Variants in PCDHA1 observed in about 807,000 individuals in gnomAD.
PCDHA1 encodes the protein protocadherin alpha-1.
Under a neutral mutation model 61.3 loss-of-function variants are expected in PCDHA1, and 42 were observed. The observed-to-expected ratio is 0.69, with a 90% CI of 0.54 to 0.89. The LOEUF (loss-of-function observed/expected upper bound fraction) is 0.89. Among genes scored for constraint, PCDHA1 ranks in the 40% least tolerant of loss-of-function variants. The pLI is 0.00. For missense variants in PCDHA1, 1,256 were observed against 1,235.3 expected, an observed-to-expected ratio of 1.02 and a Z score of -0.25; for synonymous variants, 610 against 553.8, an observed-to-expected ratio of 1.10 and a Z score of -1.43.
intron 1 of PCDHA1, chr5:140,877,039 C>A (rs782458785): frequency 6.2e-7 from 1 of 1,612,458 alleles, no homozygotes; most frequent in African/African-American, 1.3e-5. Context: ...GCTGCAGCCG[C>A]TAGACCACGA....
intron 3 of PCDHA1, among the ~76,000 whole-genome samples, chr5:141,000,361 G>GTCTCTCTCTC (rs148596731): frequency 1.1e-4 from 3 of 26,446 alleles, no homozygotes; most frequent in East Asian, 1.6e-3. Context: ...GTCTCTCTCT[G>GTCTCTCTCTC]TCTCTCTCTC....
chr5:140,821,676 A>C, intron 1 of PCDHA1: 1 of 1,310,990 alleles, frequency 7.6e-7, no homozygotes, highest in Non-Finnish European at 1.0e-6. Flanking sequence ...AAGCTCAGAA[A>C]GGCGATAATA....
At chr5:140,836,535 T>C (rs2150263194) in intron 1 of PCDHA1, 26 of 1,613,710 alleles carry the variant, frequency 1.6e-5, no homozygotes, top group Non-Finnish European at 2.0e-5. Context: ...CCTGCTGCTG[T>C]ACACGGCGTT....
At chr5:140,857,471 A>T (rs2044616338) in intron 1 of PCDHA1, 1 of 1,598,536 alleles carries the variant, frequency 6.3e-7, no homozygotes, top group Non-Finnish European at 8.6e-7. Context: ...CCACATCTTC[A>T]CGGTGTCTGC....
rs568722959 is a variant in PCDHA1 at position 140,970,085 on chromosome 5, T to C, written c.2395-8864T>C. Among the ~76,000 whole-genome samples the C allele has an allele frequency of 2.6e-5, 4 of 151,946 alleles. No homozygotes were observed. The East Asian group carries it at 7.7e-4, about 29-fold the overall frequency. ...TATTAGAATGAGTGGATTAGGGGTG[T>C]GGGGGGATGGTGAAGACCAAGAGAA... is the stretch of plus-strand genomic sequence containing the variant. On this transcript the variant is annotated intron_variant, in intron 1 of 3. Coordinates refer to ENST00000504120, the MANE Select transcript of PCDHA1 (RefSeq NM_018900.4).
At chr5:140,932,538 T>C (rs538830618) in intron 1 of PCDHA1, among the ~76,000 whole-genome samples, 1 of 152,036 alleles carries the variant, frequency 6.6e-6, no homozygotes, top group South Asian at 2.1e-4. Context: ...CAAGGTGCTT[T>C]ATTTAACATA....
At chr5:140,892,111 A>G (rs918433393) in intron 1 of PCDHA1, among the ~76,000 whole-genome samples, 3 of 152,206 alleles carry the variant, frequency 2.0e-5, no homozygotes, top group Admixed American at 2.0e-4. Context: ...CTTGGCATTT[A>G]TATCTGGAAC....
chr5:140,831,753 C>T (rs2150197118), intron 1 of PCDHA1, among the ~76,000 whole-genome samples: 2 of 152,134 alleles, frequency 1.3e-5, no homozygotes, highest in Non-Finnish European at 2.9e-5. Context: ...TTCATCGCTA[C>T]CAATTTTGTT....
Position 140,786,694 on chromosome 5 carries a change from G to A in PCDHA1, c.404G>A (p.Gly135Asp), listed in dbSNP as rs373531566. 6 of 1,614,110 alleles carry A rather than the reference G, an allele frequency of 3.7e-6. No homozygotes were observed. The African/African-American group carries it at 6.7e-5, about 18-fold the overall frequency. Residue 135 changes from glycine (G) to aspartate (D), a missense_variant, in exon 1 of 4, where the codon GGC becomes GAC. Transcript: ENST00000504120. ...AACGATAATCCACCCGTCTTCAGGGGCAGAGAACAAATAATATTTATTCCT... is the reference window on the plus strand; with the variant it reads ...AACGATAATCCACCCGTCTTCAGGGACAGAGAACAAATAATATTTATTCCT... ...DINDNPPVFR[G>D]REQIIFIPES...
chr5:140,835,836 C>T, intron 1 of PCDHA1: 1 of 1,612,388 alleles, frequency 6.2e-7, no homozygotes, highest in Non-Finnish European at 8.5e-7. Context: ...CGCGGACGCG[C>T]AGAAGAACGC....
chr5:140,915,882 C>T lies in PCDHA1; in HGVS notation c.2395-63067C>T, dbSNP rs181276676. Among the ~76,000 whole-genome samples, 3 of 152,314 alleles carry T rather than the reference C, an allele frequency of 2.0e-5. No homozygotes were observed. In the East Asian group the frequency reaches 5.8e-4, roughly 29 times the overall value. ...GTTTGCATCCTTCCCTTTAGGGTAG[C>T]AAGTTCCCCCTGGCCCTGGGCAGGC... On this transcript the variant is annotated intron_variant, in intron 1 of 3. Coordinates refer to ENST00000504120, the MANE Select transcript of PCDHA1 (RefSeq NM_018900.4).
intron 1 of PCDHA1, chr5:140,795,049 G>C (rs782259873): frequency 1.2e-6 from 2 of 1,613,744 alleles, no homozygotes; most frequent in Non-Finnish European, 1.7e-6. Context: ...GGTGGGGAGC[G>C]GCCAGCTCCG....
rs146837800 is a variant in PCDHA1 at position 140,833,801 on chromosome 5, A to T, written c.2394+45117A>T. On this transcript the variant is annotated intron_variant, in intron 1 of 3. Coordinates refer to ENST00000504120, the MANE Select transcript of PCDHA1 (RefSeq NM_018900.4). ...AAGTTTCTCTTTCATCAATCAGTAGATTCTTGAGATCCTGGGTCCCTAAAA... is the reference window on the plus strand; with the variant it reads ...AAGTTTCTCTTTCATCAATCAGTAGTTTCTTGAGATCCTGGGTCCCTAAAA... Among the ~76,000 whole-genome samples, 141 of 152,240 alleles carry T rather than the reference A, an allele frequency of 9.3e-4. 1 individual carries two copies. The highest frequency in any genetic ancestry group is 3.3e-3 in the African/African-American group (136 of 41,550).
At position 140,843,576 on chromosome 5, in the gene PCDHA1, A is replaced by G; in HGVS notation, c.2394+54892A>G. The G allele has an allele frequency of 1.9e-6, 3 of 1,595,922 alleles. 1 individual carries two copies. Among genetic ancestry groups the G allele is most frequent in the Non-Finnish European group, 2.6e-6 (3 of 1,165,492 alleles). On this transcript the variant is annotated intron_variant, in intron 1 of 3. Coordinates refer to ENST00000504120, the MANE Select transcript of PCDHA1 (RefSeq NM_018900.4). Reference sequence around the variant, plus strand: ...GCGGTGGGGAGCTGGTCATACTCGCAACAACAGCCGCAGAGGGTGTGCTCT... The same window carrying G: ...GCGGTGGGGAGCTGGTCATACTCGCGACAACAGCCGCAGAGGGTGTGCTCT...
intron 1 of PCDHA1, among the ~76,000 whole-genome samples, chr5:140,890,025 T>G (rs1438426095): frequency 2.0e-5 from 3 of 152,178 alleles, no homozygotes; most frequent in African/African-American, 7.2e-5. Context: ...TGTAGAAGGC[T>G]TCAGGTGACT....
chr5:140,840,891 T>G (rs921088657), intron 1 of PCDHA1, among the ~76,000 whole-genome samples: 2 of 152,014 alleles, frequency 1.3e-5, no homozygotes, highest in Non-Finnish European at 2.9e-5. Flanking sequence ...CTGATATCCA[T>G]GACATACAGG....
intron 1 of PCDHA1, chr5:140,876,390 T>C (rs782772987): frequency 1.2e-6 from 2 of 1,613,902 alleles, no homozygotes; most frequent in African/African-American, 1.3e-5. Context: ...GAATTTATGG[T>C]GAACTGGATT....
At chr5:140,877,959 T>C in intron 1 of PCDHA1, 2 of 1,325,332 alleles carry the variant, frequency 1.5e-6, no homozygotes, top group South Asian at 3.5e-5. Flanking sequence ...ATGTCTCATC[T>C]TTCTTGGTCA....
chr5:140,786,415 G>A lies in PCDHA1; in HGVS notation c.125G>A (p.Gly42Asp). Residue 42 changes from glycine to aspartate, a missense_variant, in exon 1 of 4, where the codon GGC becomes GAC. Transcript: ENST00000504120. ...TCGATCCCGGAGGAAGCCAAACACG[G>A]CACCTTCGTTGGCCGCGTTGCTCAG... ...HYSIPEEAKH[G>D]TFVGRVAQDL... is the part of the protein sequence containing the mutation. 3 of 1,613,454 alleles carry A rather than the reference G, an allele frequency of 1.9e-6. No individual in the cohort carries two copies. The highest frequency in any genetic ancestry group is 2.5e-6 in the Non-Finnish European group (3 of 1,180,032).
Sources: allele counts gnomAD v4.1 joint callset (sites outside exome capture counted in the v4.1 genomes callset), GRCh38; gene constraint gnomAD v4.1.1; transcripts MANE v1.5; gene names NCBI Gene and HGNC (gene_info 2026-07-23, HGNC 2026-07-21).